SUGCT: variants seen among roughly 807,000 people sequenced by gnomAD.
The protein encoded by SUGCT is succinyl-CoA:glutarate CoA-transferase.
SUGCT carries 41 observed loss-of-function variants against 55.0 expected under a neutral mutation model. The ratio of observed to expected loss-of-function variants is 0.74; its 90% CI spans 0.58 to 0.97. The LOEUF (loss-of-function observed/expected upper bound fraction) is 0.97, where lower values mean the gene tolerates loss of function less well. Among genes scored for constraint, SUGCT ranks in the 50% least tolerant of loss-of-function variants. SUGCT has a pLI of 0.00. For missense variants in SUGCT, 568 were observed against 547.8 expected (o/e 1.04, Z -0.37); for synonymous variants, 187 against 200.4 (o/e 0.93, Z 0.56).
chr7:40,710,292 C>A (rs1785646351), intron 12 of SUGCT, among the ~76,000 whole-genome samples: 1 of 152,140 alleles, frequency 6.6e-6, no homozygotes, highest in Admixed American at 6.5e-5. Flanking sequence ...TTTCTACAGA[C>A]ACAACCTTGA....
intron 9 of SUGCT, among the ~76,000 whole-genome samples, chr7:40,431,853 T>A (rs1474685660): frequency 6.6e-6 from 1 of 152,196 alleles, no homozygotes; most frequent in East Asian, 1.9e-4. Flanking sequence ...CTGATAGTTT[T>A]TGTTTGTTGA....
the SUGCT span, among the ~76,000 whole-genome samples, chr7:40,987,209 G>C: frequency 1.3e-5 from 2 of 152,022 alleles, no homozygotes; most frequent in African/African-American, 4.8e-5. Context: ...GGGTCTGAGG[G>C]CGATGCCACT....
chr7:40,727,947 GTTA>G (rs1257489651), intron 12 of SUGCT, among the ~76,000 whole-genome samples: 8 of 152,138 alleles, frequency 5.3e-5, no homozygotes, highest in Non-Finnish European at 1.5e-5. Flanking sequence ...ATATATCTGT[GTTA>G]TTATTTATTT....
chr7:40,828,541 C>G (rs1792472772), intron 13 of SUGCT, among the ~76,000 whole-genome samples: 1 of 145,738 alleles, frequency 6.9e-6, no homozygotes, highest in Middle Eastern at 3.6e-3. Context: ...CCTCCTATTA[C>G]CGTTATATTC....
At chr7:40,985,700 T>C in the SUGCT span, among the ~76,000 whole-genome samples, 126,696 of 152,070 alleles carry the variant, frequency 0.83, 52,955 homozygotes, top group Non-Finnish European at 0.87. Flanking sequence ...TAGTGCTGTA[T>C]ATCATCCAAA....
chr7:41,036,214 G>A, the SUGCT span, among the ~76,000 whole-genome samples: 1 of 152,182 alleles, frequency 6.6e-6, no homozygotes, highest in African/African-American at 2.4e-5. Context: ...GCGAATGACT[G>A]AATGAGTGAA....
At chr7:40,849,972 G>A (rs1793769714) in intron 13 of SUGCT, among the ~76,000 whole-genome samples, 1 of 152,122 alleles carries the variant, frequency 6.6e-6, no homozygotes, top group African/African-American at 2.4e-5. Flanking sequence ...CTTCCTACAA[G>A]GGTTTAGGTG....
intron 9 of SUGCT, among the ~76,000 whole-genome samples, chr7:40,326,514 G>A (rs1796035013): frequency 6.6e-6 from 1 of 152,124 alleles, no homozygotes; most frequent in Non-Finnish European, 1.5e-5. Flanking sequence ...GGGATTTTTA[G>A]CTTAATTTCT....
intron 8 of SUGCT, among the ~76,000 whole-genome samples, chr7:40,287,116 A>C (rs1186090121): frequency 6.6e-6 from 1 of 152,186 alleles, no homozygotes; most frequent in Non-Finnish European, 1.5e-5. Context: ...GCTGCATTAC[A>C]TAGGCTGTTT....
chr7:40,248,749 A>G (rs1790082392), intron 7 of SUGCT, among the ~76,000 whole-genome samples: 1 of 152,124 alleles, frequency 6.6e-6, no homozygotes, highest in Non-Finnish European at 1.5e-5. Context: ...TATTTTTGAT[A>G]GGTATTTGTA....
chr7:40,423,681 A>C (rs867037095), intron 9 of SUGCT, among the ~76,000 whole-genome samples: 1 of 152,122 alleles, frequency 6.6e-6, no homozygotes, highest in African/African-American at 2.4e-5. Flanking sequence ...ACTGGCTCCA[A>C]TGTGTTGCTA....
chr7:40,759,174 C>A (rs1449010504), intron 13 of SUGCT, among the ~76,000 whole-genome samples: 1 of 152,140 alleles, frequency 6.6e-6, no homozygotes, highest in Non-Finnish European at 1.5e-5. Flanking sequence ...CCTTCAAGTT[C>A]ATGTGTGACC....
chr7:40,746,538 A>G (rs774757603), intron 12 of SUGCT, among the ~76,000 whole-genome samples: 7 of 152,224 alleles, frequency 4.6e-5, no homozygotes, highest in Non-Finnish European at 1.0e-4. Context: ...GAATGTAAGA[A>G]GAATTTATAT....
chr7:40,406,562 C>A (rs1425959145), intron 9 of SUGCT, among the ~76,000 whole-genome samples: 2 of 152,200 alleles, frequency 1.3e-5, no homozygotes, highest in African/African-American at 4.8e-5. Context: ...AGATTTCTTT[C>A]ACTTTCAGAG....
chr7:40,653,759 A>G (rs1403746218), intron 12 of SUGCT, among the ~76,000 whole-genome samples: 1 of 152,174 alleles, frequency 6.6e-6, no homozygotes, highest in Admixed American at 6.5e-5. Context: ...CCTGAAAAAC[A>G]TTTTGACTTG....
At chr7:40,898,400 C>T in the SUGCT span, among the ~76,000 whole-genome samples, 1 of 147,594 alleles carries the variant, frequency 6.8e-6, no homozygotes, top group African/African-American at 2.5e-5. Context: ...GGAAGAAACT[C>T]CGGACACATC....
chr7:40,937,131 C>G, the SUGCT span, among the ~76,000 whole-genome samples: 3 of 152,110 alleles, frequency 2.0e-5, no homozygotes, highest in African/African-American at 7.2e-5. Flanking sequence ...TTCAAGTCAA[C>G]TATTTCTTTG....
the SUGCT span, among the ~76,000 whole-genome samples, chr7:40,902,077 T>G: frequency 6.6e-6 from 1 of 152,090 alleles, no homozygotes; most frequent in African/African-American, 2.4e-5. Context: ...ACCTTCAACT[T>G]TAACAGCCTA....
At chr7:40,932,961 T>C in the SUGCT span, among the ~76,000 whole-genome samples, 1 of 152,206 alleles carries the variant, frequency 6.6e-6, no homozygotes, top group Admixed American at 6.5e-5. Flanking sequence ...ATGTGTGAAT[T>C]TGATCCTGTC....
Sources: gnomAD v4.1 joint callset for allele counts (sites outside exome capture counted in the v4.1 genomes callset) on GRCh38, gnomAD v4.1.1 for gene constraint, MANE v1.5 for transcripts, NCBI Gene and HGNC (gene_info 2026-07-23, HGNC 2026-07-21) for gene names.